Variants in SNX29 observed in about 807,000 individuals in gnomAD.
The protein encoded by SNX29 is sorting nexin 29, also known as sorting nexin-29.
In SNX29, 78 loss-of-function variants were observed where a neutral mutation model predicts 102.1. The observed-to-expected ratio is 0.76, with a 90% confidence interval of 0.64 to 0.92. SNX29 has a LOEUF of 0.92. Ranked by LOEUF, SNX29 falls within the 40% of genes least tolerant of loss-of-function variation. The pLI, the probability that SNX29 is intolerant of heterozygous loss-of-function variation, is 0.00. For synonymous variants in SNX29, 580 were observed against 414.5 expected (o/e 1.40, Z -4.85); for missense variants, 1,280 against 1,061.7 (o/e 1.21, Z -2.86).
intron 20 of SNX29, among the ~76,000 whole-genome samples, chr16:12,548,054 GCA>G (rs1198920239): frequency 2.0e-5 from 3 of 152,252 alleles, no homozygotes; most frequent in Admixed American, 2.0e-4. Context: ...ACCACCCCTG[GCA>G]CACACACGGT....
chr16:12,559,194 T>G (rs1307065411), intron 20 of SNX29, among the ~76,000 whole-genome samples: 1 of 152,006 alleles, frequency 6.6e-6, no homozygotes, highest in Non-Finnish European at 1.5e-5. Context: ...GGCTACACAG[T>G]GGGTGAGCAG....
Position 12,568,571 on chromosome 16 carries a change from T to C in SNX29, c.2384T>C (p.Leu795Pro). ...AAAGCAGCTTCCCGCTTCCCCAAAC[T>C]GTCCCGGGGTCAGCCCCGGGAGACC... The part of the protein sequence containing the change: ...RPKAASRFPK[L>P]SRGQPRETRN... The change falls in exon 21 of 21, where the codon CTG (leucine) becomes CCG (proline). Residue 795 changes from leucine (L) to proline (P), a missense_variant. Physicochemically the swap from Leu to Pro is moderately conservative, Grantham distance 98. Coordinates refer to ENST00000566228, the MANE Select transcript of SNX29 (RefSeq NM_032167.5). 6.2e-7 allele frequency: 1 copy of C among 1,608,042 alleles called. No individual in the cohort carries two copies. Among genetic ancestry groups the C allele is most frequent in the Admixed American group, 1.7e-5 (1 of 60,020 alleles).
intron 17 of SNX29, among the ~76,000 whole-genome samples, chr16:12,400,105 G>A (rs921645917): frequency 2.0e-5 from 3 of 152,000 alleles, no homozygotes; most frequent in Admixed American, 6.6e-5. Context: ...CAGAGATTTG[G>A]AACCTCCCCC....
intron 14 of SNX29, among the ~76,000 whole-genome samples, chr16:12,200,595 G>A (rs1208107239): frequency 6.6e-6 from 1 of 151,920 alleles, no homozygotes; most frequent in Non-Finnish European, 1.5e-5. Context: ...CGATTCTCCT[G>A]CCTCAGCCTC....
intron 13 of SNX29, among the ~76,000 whole-genome samples, chr16:12,163,767 T>C (rs1258808212): frequency 1.3e-5 from 2 of 152,178 alleles, no homozygotes; most frequent in African/African-American, 4.8e-5. Flanking sequence ...CGGCACATCC[T>C]GCGGTCTCTG....
At chr16:12,267,527 C>G (rs1162773131) in intron 14 of SNX29, among the ~76,000 whole-genome samples, 2 of 152,144 alleles carry the variant, frequency 1.3e-5, no homozygotes, top group Admixed American at 1.3e-4. Flanking sequence ...CCCCTTAGCA[C>G]CTTTATTGCT....
chr16:12,536,831 C>G (rs1394489968), intron 20 of SNX29, among the ~76,000 whole-genome samples: 2 of 152,092 alleles, frequency 1.3e-5, no homozygotes, highest in African/African-American at 2.4e-5. Flanking sequence ...CAAAAATTAG[C>G]CAGGCATGGT....
rs1428919246 is a variant in SNX29 at position 12,524,810 on chromosome 16, G to C, written c.2287G>C (p.Glu763Gln). The C allele has an allele frequency of 1.9e-6, 3 of 1,613,618 alleles. No homozygotes were observed. In the East Asian group the frequency reaches 6.7e-5, roughly 36 times the overall value. Residue 763 changes from glutamate (E) to glutamine (Q), a missense_variant, in exon 20 of 21, where the codon GAG (glutamate) becomes CAG (glutamine). By Grantham distance (29) the Glu-to-Gln change is conservative. Transcript: ENST00000566228. Reference protein sequence around the residue: ...VPEFAASPKKETLIQLMPFFV... With the variant: ...VPEFAASPKKQTLIQLMPFFV... ...CGAGTTCGCTGCCAGCCCCAAGAAG[G>C]AGACCCTCATCCAGCTGATGCCCTT...
intron 2 of SNX29, among the ~76,000 whole-genome samples, chr16:12,001,239 G>A (rs1043244460): frequency 6.6e-6 from 1 of 152,050 alleles, no homozygotes; most frequent in Non-Finnish European, 1.5e-5. Flanking sequence ...AGCCTCATGA[G>A]TAGCTGGGAC....
chr16:12,543,969 T>C (rs1181765450), intron 20 of SNX29, among the ~76,000 whole-genome samples: 2 of 152,106 alleles, frequency 1.3e-5, no homozygotes, highest in East Asian at 3.9e-4. Flanking sequence ...CTGGGAGAAA[T>C]GGTCTCAGCC....
chr16:12,204,724 G>A (rs1267456317), intron 14 of SNX29, among the ~76,000 whole-genome samples: 1 of 152,220 alleles, frequency 6.6e-6, no homozygotes, highest in Non-Finnish European at 1.5e-5. Context: ...GCAAAAAATT[G>A]GGAAGTCATC....
At chr16:12,175,138 G>T (rs1394225898) in intron 13 of SNX29, among the ~76,000 whole-genome samples, 5 of 152,252 alleles carry the variant, frequency 3.3e-5, no homozygotes, top group African/African-American at 1.2e-4. Context: ...AATTTTTACT[G>T]ATCTATTACT....
intron 20 of SNX29, among the ~76,000 whole-genome samples, chr16:12,538,417 G>A (rs372296498): frequency 8.3e-4 from 127 of 152,288 alleles, no homozygotes; most frequent in African/African-American, 2.9e-3. Context: ...AATGATGTCT[G>A]GGAGTAATAA....
intron 13 of SNX29, among the ~76,000 whole-genome samples, chr16:12,154,337 C>T (rs540371697): frequency 4.7e-4 from 68 of 144,714 alleles, no homozygotes; most frequent in African/African-American, 1.0e-3. Context: ...GGCTGTCCCC[C>T]GTTCTGAGAC....
chr16:12,440,945 C>G (rs751638887), intron 18 of SNX29, among the ~76,000 whole-genome samples: 4 of 152,170 alleles, frequency 2.6e-5, no homozygotes, highest in Admixed American at 6.5e-5. Flanking sequence ...ATATTTTTCT[C>G]TGCAGATTTT....
chr16:12,075,673 G>A (rs1381633972), intron 10 of SNX29, among the ~76,000 whole-genome samples: 1 of 152,198 alleles, frequency 6.6e-6, no homozygotes, highest in East Asian at 1.9e-4. Context: ...TGCGTGCTGG[G>A]AGAACTACTG....
intron 3 of SNX29, among the ~76,000 whole-genome samples, chr16:12,017,656 C>G (rs2056890534): frequency 6.6e-6 from 1 of 152,064 alleles, no homozygotes. Context: ...TAAACGTTTT[C>G]ATTTTTTACA....
intron 11 of SNX29, among the ~76,000 whole-genome samples, chr16:12,086,243 A>T (rs960306652): frequency 2.0e-5 from 3 of 151,882 alleles, no homozygotes; most frequent in African/African-American, 2.4e-5. Flanking sequence ...TTTCCTTGTG[A>T]TCTGCCCGCC....
intron 13 of SNX29, among the ~76,000 whole-genome samples, chr16:12,170,369 G>A (rs995296102): frequency 2.6e-5 from 4 of 152,002 alleles, no homozygotes; most frequent in African/African-American, 9.7e-5. Flanking sequence ...GTTTGTGGCA[G>A]TTGAGAGCAC....
Sources: gnomAD v4.1 joint callset for allele counts (sites outside exome capture counted in the v4.1 genomes callset) on GRCh38, gnomAD v4.1.1 for gene constraint, MANE v1.5 for transcripts, NCBI Gene and HGNC (gene_info 2026-07-23, HGNC 2026-07-21) for gene names.